Variants in UQCC2 observed in about 807,000 individuals in gnomAD.
UQCC2 encodes breast cancer-associated protein SGA-81M.
A neutral mutation model predicts 19.9 loss-of-function variants in UQCC2; 21 were observed. That is an observed-to-expected ratio of 1.05 (90% CI 0.75 to 1.52). UQCC2 has a LOEUF of 1.52. UQCC2 is among the 40% of genes most tolerant of loss of function. The probability of loss-of-function intolerance (pLI) is 0.00; values close to 1 mark genes in which losing one functional copy is unlikely to be tolerated. For synonymous variants in UQCC2, 57 were observed against 60.9 expected (o/e 0.94, Z 0.30); for missense variants, 135 against 157.5 (o/e 0.86, Z 0.76).
At chr6:33,704,120 G>A (rs1225270394) in intron 1 of UQCC2, among the ~76,000 whole-genome samples, 1 of 152,188 alleles carries the variant, frequency 6.6e-6, no homozygotes, top group Non-Finnish European at 1.5e-5. Context: ...CTGGAACGCC[G>A]ATAAATGTGA....
chr6:33,697,930 G>A, intron 3 of UQCC2, 180 bp from the exon 4 acceptor site: 1 of 598,680 alleles, frequency 1.7e-6, no homozygotes, highest in Admixed American at 3.0e-5. Context: ...GTGACCGCTT[G>A]CGGGGACTGA....
Position 33,697,730 on chromosome 6 carries a change from C to A in UQCC2, c.304G>T (p.Glu102Ter). Residue 102 changes from glutamate (E) to a stop codon, truncating the protein, a stop_gained, in exon 4 of 4, where the codon GAA becomes TAA. Coordinates refer to ENST00000607484, the MANE Select transcript of UQCC2 (RefSeq NM_032340.4). LOFTEE classifies it high-confidence loss of function. ...TTCTTCCACATGCCTTTATCTATTT[C>A]CTTAAGCTCTTCCAAGGTGTCTGCA... The part of the protein sequence containing the change: ...LSTDTLEELK[E>*]IDKGMWKKLQ... 1 of 1,614,104 alleles carries A rather than the reference C, an allele frequency of 6.2e-7. No individual in the cohort carries two copies. Among genetic ancestry groups the A allele is most frequent in the Non-Finnish European group, 8.5e-7 (1 of 1,180,020 alleles).
intron 1 of UQCC2, among the ~76,000 whole-genome samples, chr6:33,710,471 GCTTT>G (rs1330221312): frequency 6.6e-6 from 1 of 152,062 alleles, no homozygotes; most frequent in East Asian, 1.9e-4. Context: ...AGCCATTCTG[GCTTT>G]CTTTCTGTCC....
rs1039128549 is a variant in UQCC2, at chr6:33,711,542, C to T, written c.138+7G>A. 6.3e-7 allele frequency: 1 copy of T among 1,593,482 alleles called. No individual in the cohort carries two copies. Among genetic ancestry groups the T allele is most frequent in the Admixed American group, 1.8e-5 (1 of 55,102 alleles). Reference sequence around the variant, plus strand: ...CCCCTCGTCCCAGCCGCCTCCCCGCCGGTCACCTGGGTATTCTCTCCCTCC... The same window carrying T: ...CCCCTCGTCCCAGCCGCCTCCCCGCTGGTCACCTGGGTATTCTCTCCCTCC... On this transcript the variant is annotated splice_region_variant and intron_variant, in intron 1 of 3. Transcript: ENST00000607484.
chr6:33,708,393 G>T (rs145707908), intron 1 of UQCC2, among the ~76,000 whole-genome samples: 1 of 133,990 alleles, frequency 7.5e-6, no homozygotes, highest in East Asian at 3.4e-4. Flanking sequence ...CCCCCAGTGC[G>T]TTGTCTTGTT....
At chr6:33,700,337 C>G in intron 3 of UQCC2, 107 bp downstream of exon 3, 1 of 1,286,060 alleles carries the variant, frequency 7.8e-7, no homozygotes, top group Non-Finnish European at 1.1e-6. Flanking sequence ...GGCTGTTCTA[C>G]AAGACTTTCC....
At chr6:33,709,774 A>C (rs1265706467) in intron 1 of UQCC2, among the ~76,000 whole-genome samples, 2 of 152,138 alleles carry the variant, frequency 1.3e-5, no homozygotes, top group African/African-American at 2.4e-5. Flanking sequence ...CTGAAAAAAA[A>C]AAAACCCATG....
At chr6:33,710,177 T>C (rs1355837406) in intron 1 of UQCC2, among the ~76,000 whole-genome samples, 2 of 152,194 alleles carry the variant, frequency 1.3e-5, no homozygotes, top group Non-Finnish European at 2.9e-5. Flanking sequence ...TCTTCTGTGC[T>C]GCCGTCCTCA....
chr6:33,700,990 C>A (rs1009170800), intron 2 of UQCC2, among the ~76,000 whole-genome samples: 2 of 152,154 alleles, frequency 1.3e-5, no homozygotes, highest in African/African-American at 4.8e-5. Context: ...CCCAATCATC[C>A]CATCTTTATC....
At chr6:33,706,657 C>G (rs1765702335) in intron 1 of UQCC2, among the ~76,000 whole-genome samples, 1 of 152,076 alleles carries the variant, frequency 6.6e-6, no homozygotes, top group African/African-American at 2.4e-5. Flanking sequence ...GACACAGGGA[C>G]CAGAAATGAC....
At chr6:33,698,663 C>T (rs918233710) in intron 3 of UQCC2, 1 of 152,110 alleles carries the variant, frequency 6.6e-6, no homozygotes, top group South Asian at 2.1e-4. Flanking sequence ...AATTTTTCGT[C>T]GTGGGCTGGC....
chr6:33,698,210 G>A (rs1765592997), intron 3 of UQCC2: 1 of 164,008 alleles, frequency 6.1e-6, no homozygotes, highest in Admixed American at 5.9e-5. Flanking sequence ...TGCACAGCTG[G>A]GAAGTGGAGC....
chr6:33,708,485 G>A (rs568170487), intron 1 of UQCC2, among the ~76,000 whole-genome samples: 8 of 152,264 alleles, frequency 5.3e-5, no homozygotes, highest in East Asian at 1.9e-4. Flanking sequence ...AGATCACGCC[G>A]GCAAAGGTGC....
chr6:33,701,324 T>C (rs994815848), intron 2 of UQCC2, 22 bp downstream of exon 2: 1 of 1,605,340 alleles, frequency 6.2e-7, no homozygotes, highest in African/African-American at 1.3e-5. Context: ...GCTGGGTATA[T>C]AAAAGACTGT....
chr6:33,698,551 T>G (rs140353175), intron 3 of UQCC2: 3 of 152,226 alleles, frequency 2.0e-5, no homozygotes, highest in Non-Finnish European at 4.4e-5. Flanking sequence ...TCCACCACAA[T>G]GCAGGCGGGA....
intron 1 of UQCC2, among the ~76,000 whole-genome samples, chr6:33,709,489 T>C (rs906085098): frequency 2.6e-5 from 4 of 152,168 alleles, no homozygotes; most frequent in Non-Finnish European, 5.9e-5. Context: ...ATCATCTCTA[T>C]TTTCAGGAAG....
intron 1 of UQCC2, among the ~76,000 whole-genome samples, chr6:33,706,655 G>A (rs758615113): frequency 1.3e-5 from 2 of 152,180 alleles, no homozygotes; most frequent in African/African-American, 2.4e-5. Flanking sequence ...GTGACACAGG[G>A]ACCAGAAATG....
chr6:33,708,195 T>C (rs1321150855), intron 1 of UQCC2, among the ~76,000 whole-genome samples: 4 of 152,228 alleles, frequency 2.6e-5, no homozygotes, highest in African/African-American at 9.7e-5. Flanking sequence ...AAACTATCTA[T>C]GGCCCAAAAA....
chr6:33,702,102 G>A (rs745563001), intron 1 of UQCC2, among the ~76,000 whole-genome samples: 6 of 152,162 alleles, frequency 3.9e-5, no homozygotes, highest in Non-Finnish European at 7.3e-5. Context: ...CGCCTCCTGG[G>A]TTCAAGCAAT....
Sources: gnomAD v4.1 joint callset for allele counts (sites outside exome capture counted in the v4.1 genomes callset) on GRCh38, gnomAD v4.1.1 for gene constraint, MANE v1.5 for transcripts, NCBI Gene and HGNC (gene_info 2026-07-23, HGNC 2026-07-21) for gene names.